Variants in CDH23 observed in about 807,000 individuals in gnomAD.
CDH23 encodes the protein cadherin-23.
A neutral mutation model predicts 317.1 loss-of-function variants in CDH23; 189 were observed. That is an observed-to-expected ratio of 0.60 (90% CI 0.53 to 0.67). The LOEUF is 0.67. Among genes scored for constraint, CDH23 ranks in the 30% least tolerant of loss-of-function variants. The probability of loss-of-function intolerance (pLI) is 0.00; values close to 1 mark genes in which losing one functional copy is unlikely to be tolerated. For missense variants in CDH23, 4,401 were observed against 4,592.4 expected, an observed-to-expected ratio of 0.96 and a Z score of 1.20; for synonymous variants, 1,839 against 1,876.8, an observed-to-expected ratio of 0.98 and a Z score of 0.52.
At chr10:71,486,722 G>A (rs1439146098) in intron 3 of CDH23, among the ~76,000 whole-genome samples, 1 of 152,194 alleles carries the variant, frequency 6.6e-6, no homozygotes, top group East Asian at 1.9e-4. Context: ...CTCCAGCGCT[G>A]TACTCTTGGG....
intron 1 of CDH23, among the ~76,000 whole-genome samples, chr10:71,406,993 G>T (rs1392768146): frequency 1.3e-5 from 2 of 152,210 alleles, no homozygotes; most frequent in African/African-American, 4.8e-5. Context: ...ACCTCACTTA[G>T]TCCTTACAAC....
intron 22 of CDH23, among the ~76,000 whole-genome samples, chr10:71,701,676 A>G (rs1564742150): frequency 6.6e-6 from 1 of 152,028 alleles, no homozygotes; most frequent in South Asian, 2.1e-4. Flanking sequence ...CTTCCTTCAC[A>G]TGCCCTGTCA....
chr10:71,724,632 C>G (rs914591762), intron 29 of CDH23, among the ~76,000 whole-genome samples: 1 of 152,198 alleles, frequency 6.6e-6, no homozygotes, highest in African/African-American at 2.4e-5. Context: ...TTCCTGAAGT[C>G]CTGCTGTCCT....
intron 48 of CDH23, 78 bp downstream of exon 48, chr10:71,793,718 C>T: frequency 9.2e-7 from 1 of 1,091,070 alleles, no homozygotes; most frequent in Non-Finnish European, 1.3e-6. Context: ...CCCCTTCTTT[C>T]TCCTTTCTCT....
intron 1 of CDH23, among the ~76,000 whole-genome samples, chr10:71,400,506 ATAGT>A (rs1168320803): frequency 1.3e-5 from 2 of 152,038 alleles, no homozygotes; most frequent in Non-Finnish European, 2.9e-5. Flanking sequence ...GAGTTCAAAA[ATAGT>A]TAGGTTAGGC....
chr10:71,650,927 C>T (rs1863137728), intron 14 of CDH23, among the ~76,000 whole-genome samples: 1 of 152,220 alleles, frequency 6.6e-6, no homozygotes, highest in Non-Finnish European at 1.5e-5. Context: ...ACAAGAGTAA[C>T]CTAATCATTT....
chr10:71,593,735 G>T (rs539528003), intron 9 of CDH23, among the ~76,000 whole-genome samples: 14 of 152,356 alleles, frequency 9.2e-5, no homozygotes, highest in Admixed American at 7.8e-4. Flanking sequence ...AATGGTAACT[G>T]CAGTGACTAA....
chr10:71,472,383 C>T (rs745318162), intron 3 of CDH23, among the ~76,000 whole-genome samples: 2 of 152,210 alleles, frequency 1.3e-5, no homozygotes, highest in African/African-American at 4.8e-5. Context: ...GTCTGGGTCA[C>T]CACACCGCCC....
At chr10:71,564,267 G>A (rs1857278440) in intron 6 of CDH23, among the ~76,000 whole-genome samples, 1 of 152,198 alleles carries the variant, frequency 6.6e-6, no homozygotes, top group Non-Finnish European at 1.5e-5. Flanking sequence ...AGCCCCCAGT[G>A]TATGTGCTGA....
intron 9 of CDH23, among the ~76,000 whole-genome samples, chr10:71,582,356 A>C (rs966458109): frequency 6.6e-6 from 1 of 152,260 alleles, no homozygotes; most frequent in Non-Finnish European, 1.5e-5. Context: ...AGTGTGCAAA[A>C]AAAGGTGATA....
At chr10:71,799,931 T>C (rs951441759) in intron 52 of CDH23, among the ~76,000 whole-genome samples, 1 of 152,198 alleles carries the variant, frequency 6.6e-6, no homozygotes, top group African/African-American at 2.4e-5. Context: ...TTGAAGTCCA[T>C]GGGGCTTCTT....
intron 34 of CDH23, chr10:71,737,671 C>T: frequency 4.3e-6 from 2 of 468,600 alleles, no homozygotes; most frequent in Admixed American, 2.3e-5. Flanking sequence ...CCTGGGATAC[C>T]TAAAACCTGA....
chr10:71,612,816 C>A (rs997930169), intron 9 of CDH23, among the ~76,000 whole-genome samples: 1 of 152,226 alleles, frequency 6.6e-6, no homozygotes, highest in Non-Finnish European at 1.5e-5. Context: ...GCACTGATCA[C>A]CCTGTACGTT....
chr10:71,558,219 C>G (rs926329112), intron 6 of CDH23, among the ~76,000 whole-genome samples: 12 of 152,048 alleles, frequency 7.9e-5, no homozygotes, highest in African/African-American at 2.9e-4. Context: ...AGGCTGGTCT[C>G]GAACTCCTGA....
chr10:71,571,908 T>A (rs892964112), intron 8 of CDH23, among the ~76,000 whole-genome samples: 1 of 152,166 alleles, frequency 6.6e-6, no homozygotes, highest in African/African-American at 2.4e-5. Context: ...GTGTGACAGG[T>A]GAGCTTCCCT....
intron 9 of CDH23, among the ~76,000 whole-genome samples, chr10:71,605,922 T>G (rs1036703993): frequency 6.6e-6 from 1 of 152,230 alleles, no homozygotes; most frequent in African/African-American, 2.4e-5. Flanking sequence ...AGGTTCTTAT[T>G]TCAGCCATAG....
At chr10:71,797,453 G>A (rs1589427212) in intron 49 of CDH23, among the ~76,000 whole-genome samples, 1 of 152,128 alleles carries the variant, frequency 6.6e-6, no homozygotes, top group East Asian at 1.9e-4. Flanking sequence ...TCAGAATTGT[G>A]TGTGATCTGA....
At chr10:71,578,197 G>A (rs921769134) in intron 9 of CDH23, among the ~76,000 whole-genome samples, 2 of 152,074 alleles carry the variant, frequency 1.3e-5, no homozygotes, top group Non-Finnish European at 2.9e-5. Context: ...AAGAGGTGCT[G>A]GGAAGCCGAC....
chr10:71,564,946 C>T (rs1857316867), intron 6 of CDH23, among the ~76,000 whole-genome samples: 1 of 152,172 alleles, frequency 6.6e-6, no homozygotes, highest in Non-Finnish European at 1.5e-5. Flanking sequence ...CAAATACCCA[C>T]AAAACAGTAT....
Sources: gnomAD v4.1 joint callset for allele counts (sites outside exome capture counted in the v4.1 genomes callset) on GRCh38, gnomAD v4.1.1 for gene constraint, MANE v1.5 for transcripts, NCBI Gene and HGNC (gene_info 2026-07-23, HGNC 2026-07-21) for gene names.